The following SPINDOC variants were observed in gnomAD, a reference collection of about 807,000 sequenced individuals.
SPINDOC encodes spindlin interactor and repressor of chromatin binding.
Under a neutral mutation model 30.7 loss-of-function variants are expected in SPINDOC, and 13 were observed. The ratio of observed to expected loss-of-function variants is 0.42; its 90% CI spans 0.28 to 0.67. SPINDOC has a LOEUF of 0.67. Among genes scored for constraint, SPINDOC ranks in the 30% least tolerant of loss-of-function variants. The pLI is 0.22. For synonymous variants in SPINDOC, 228 were observed against 211.4 expected (o/e 1.08, Z -0.68); for missense variants, 438 against 518.0 (o/e 0.85, Z 1.50).
chr11:63,815,892 C>A (rs147957845), intron 1 of SPINDOC, among the ~76,000 whole-genome samples: 14 of 152,190 alleles, frequency 9.2e-5, no homozygotes, highest in African/African-American at 3.1e-4. Flanking sequence ...CTCAACCTCC[C>A]GAGTAACTGG....
chr11:63,814,111 G>A (rs761413120), intron 1 of SPINDOC, among the ~76,000 whole-genome samples: 3 of 152,204 alleles, frequency 2.0e-5, no homozygotes, highest in East Asian at 1.9e-4. Context: ...CCCTCTCCCG[G>A]GCCCAGCACC....
Position 63,820,781 on chromosome 11 carries a change from A to T in SPINDOC, c.934+1779A>T, listed in dbSNP as rs1046940538. Among the ~76,000 whole-genome samples the T allele has an allele frequency of 2.0e-5, 3 of 148,724 alleles. No individual in the cohort carries two copies. In the Admixed American group the frequency reaches 2.1e-4, roughly 10 times the overall value. On this transcript the variant is annotated intron_variant, in intron 5 of 5. Transcript: ENST00000294244. ...GGCGCACGCCTGTAGTCCCAGCTAC[A>T]CGGGAGGCTGAGGCAGGAGAATGGC...
At chr11:63,816,788 A>G (rs2015351954) in intron 1 of SPINDOC, among the ~76,000 whole-genome samples, 1 of 152,186 alleles carries the variant, frequency 6.6e-6, no homozygotes, top group African/African-American at 2.4e-5. Flanking sequence ...GTACACAAAG[A>G]GCAGGTATCA....
In SPINDOC at chr11:63,816,658, C is replaced by T. The variant is rs547448934; in HGVS notation, c.128-1147C>T. ...CTGGAAGGTAGGAGGGAGATGCAGC[C>T]GTGAAGGATCATGGGCACTTCGTAA... On this transcript the variant is annotated intron_variant, in intron 1 of 5. Coordinates refer to ENST00000294244, the MANE Select transcript of SPINDOC (RefSeq NM_138471.3). Among the ~76,000 whole-genome samples the T allele has an allele frequency of 3.3e-5, 5 of 152,212 alleles. No homozygotes were observed. The South Asian group carries it at 1.0e-3, about 32-fold the overall frequency.
At position 63,818,019 on chromosome 11, in the gene SPINDOC, C is replaced by T; in HGVS notation, c.342C>T (p.His114=). The change falls in exon 2 of 6, where the codon CAC becomes CAT. Residue 114 remains histidine, a synonymous_variant. Transcript: ENST00000294244. The surrounding 1 kb of genome is among the most constrained non-coding windows in gnomAD (Gnocchi z 5.3). ...DTARSHILEQ[H]PHTLDLSPSE... is the part of the protein sequence containing the mutation. ...CTCGCTCGCACATCTTGGAGCAGCA[C>T]CCTCACACCTTGGACCTGAGCCCTT... The T allele has an allele frequency of 1.2e-6, 2 of 1,614,212 alleles. No individual in the cohort carries two copies. Among genetic ancestry groups the T allele is most frequent in the Non-Finnish European group, 1.7e-6 (2 of 1,180,038 alleles).
intron 5 of SPINDOC, among the ~76,000 whole-genome samples, chr11:63,822,389 G>GA (rs2015548747): frequency 1.7e-5 from 2 of 117,244 alleles, no homozygotes; most frequent in Non-Finnish European, 1.8e-5. Flanking sequence ...AAGAAACAAA[G>GA]AAAAAAGGCA....
chr11:63,821,051 AAAAAC>A (rs1295450047), intron 5 of SPINDOC, among the ~76,000 whole-genome samples: 1 of 152,154 alleles, frequency 6.6e-6, no homozygotes, highest in African/African-American at 2.4e-5. Context: ...GACCCTCTCT[AAAAAC>A]AAAACAAAAC....
At chr11:63,819,945 G>A (rs2015463491) in intron 5 of SPINDOC, among the ~76,000 whole-genome samples, 1 of 152,232 alleles carries the variant, frequency 6.6e-6, no homozygotes, top group South Asian at 2.1e-4. Context: ...CCCTGGTGGA[G>A]CTGAGGCCCA....
chr11:63,824,742 C>T (rs910418578), intron 5 of SPINDOC, among the ~76,000 whole-genome samples: 10 of 148,502 alleles, frequency 6.7e-5, no homozygotes, highest in South Asian at 2.2e-4. Context: ...TCCAGCCTGG[C>T]GACAGAGCGA....
intron 5 of SPINDOC, among the ~76,000 whole-genome samples, chr11:63,824,044 A>G (rs113473528): frequency 2.5e-3 from 381 of 152,040 alleles, no homozygotes; most frequent in African/African-American, 8.7e-3. Context: ...AGTAGCTGGG[A>G]TTACAGGCGT....
At chr11:63,819,642 G>T (rs1020617597) in intron 5 of SPINDOC, among the ~76,000 whole-genome samples, 1 of 151,880 alleles carries the variant, frequency 6.6e-6, no homozygotes, top group Non-Finnish European at 1.5e-5. Context: ...GATTACAGGC[G>T]TGTGCCACCA....
intron 5 of SPINDOC, among the ~76,000 whole-genome samples, chr11:63,825,190 A>G (rs1218111815): frequency 2.6e-5 from 4 of 152,146 alleles, no homozygotes; most frequent in Non-Finnish European, 5.9e-5. Flanking sequence ...GTTGCACTCC[A>G]GATAAAAGCC....
chr11:63,813,654 C>T lies in SPINDOC; in HGVS notation c.-33C>T, dbSNP rs777098733. The stretch of plus-strand genomic sequence containing the variant: ...TGCGCGCCGAAGCCTGCGCGCCAGT[C>T]CTCCGGCCACTGCTATCGCCCACGG... On this transcript the variant is annotated 5_prime_UTR_variant, in exon 1 of 6. Transcript: ENST00000294244. 4 of 1,514,848 alleles carry T rather than the reference C, an allele frequency of 2.6e-6. No homozygotes were observed. Among genetic ancestry groups the T allele is most frequent in the East Asian group, 2.8e-5 (1 of 35,808 alleles). The allele number at this position is 1,514,848 out of a possible 1,614,324, so 93.8% of individuals were successfully genotyped here.
intron 5 of SPINDOC, chr11:63,822,962 C>A: frequency 1.7e-6 from 2 of 1,160,898 alleles, no homozygotes; most frequent in South Asian, 1.3e-5. Context: ...GGGGCGGAGG[C>A]AATTGTAGGG....
intron 5 of SPINDOC, among the ~76,000 whole-genome samples, chr11:63,825,567 G>C (rs2015635142): frequency 6.6e-6 from 1 of 152,154 alleles, no homozygotes; most frequent in South Asian, 2.1e-4. Context: ...CACTTAGGGA[G>C]CTCCATTCAC....
In SPINDOC at chr11:63,823,228, A is replaced by G. The variant is rs1053603140; in HGVS notation, c.935-3700A>G. The G allele has an allele frequency of 9.6e-5, 123 of 1,287,888 alleles. No homozygotes were observed. In the Admixed American group the frequency reaches 2.4e-3, roughly 25 times the overall value. The allele number at this position is 1,287,888 out of a possible 1,614,324, so 79.8% of individuals were successfully genotyped here. Reference sequence around the variant, plus strand: ...GGCTCTGGACCTGTGGTTTCAGACGATCTCACGAACCCAAAGCTTGGACAG... The same window carrying G: ...GGCTCTGGACCTGTGGTTTCAGACGGTCTCACGAACCCAAAGCTTGGACAG... On this transcript the variant is annotated intron_variant, in intron 5 of 5. Transcript: ENST00000294244.
At chr11:63,820,148 A>G (rs1026322794) in intron 5 of SPINDOC, among the ~76,000 whole-genome samples, 26 of 152,168 alleles carry the variant, frequency 1.7e-4, no homozygotes, top group African/African-American at 6.3e-4. Flanking sequence ...CTGTAATCCC[A>G]GCACTTTGGC....
chr11:63,822,908 G>A, intron 5 of SPINDOC: 2 of 1,282,482 alleles, frequency 1.6e-6, no homozygotes, highest in South Asian at 2.5e-5. Flanking sequence ...AGTGGGCAAA[G>A]TCTGAGAGGA....
Position 63,817,884 on chromosome 11 carries a change from G to A in SPINDOC, c.207G>A (p.Gln69=). 1 of 1,613,262 alleles carries A rather than the reference G, an allele frequency of 6.2e-7. No homozygotes were observed. Among genetic ancestry groups the A allele is most frequent in the Non-Finnish European group, 8.5e-7 (1 of 1,179,676 alleles). ...GTGATGGCTGTGAGGAGCCGAAGCA[G>A]CAGGTGTCTTGGGAGCAGGAGTTCC... ...AGSDGCEEPK[Q]QVSWEQEFLV... is the part of the protein sequence containing the mutation. Residue 69 remains glutamine, a synonymous_variant, in exon 2 of 6, where the codon CAG becomes CAA. Coordinates refer to ENST00000294244, the MANE Select transcript of SPINDOC (RefSeq NM_138471.3).
Sources: gnomAD v4.1 joint callset for allele counts (sites outside exome capture counted in the v4.1 genomes callset) on GRCh38, gnomAD v4.1.1 for gene constraint, Gnocchi (gnomAD v3.1) non-coding constraint, MANE v1.5 for transcripts, NCBI Gene and HGNC (gene_info 2026-07-23, HGNC 2026-07-21) for gene names.